AGBL2: variants seen among roughly 807,000 people sequenced by gnomAD.
AGBL2 encodes the protein cytosolic carboxypeptidase 2.
AGBL2 carries 87 observed loss-of-function variants against 103.0 expected under a neutral mutation model. The observed-to-expected ratio is 0.84, with a 90% CI of 0.71 to 1.01. AGBL2 has a LOEUF of 1.01. AGBL2 is among the 50% of genes least tolerant of loss of function. AGBL2 has a pLI of 0.00. For missense variants in AGBL2, 904 were observed against 1,023.5 expected, an observed-to-expected ratio of 0.88 and a Z score of 1.59; for synonymous variants, 335 against 356.7, an observed-to-expected ratio of 0.94 and a Z score of 0.69.
intron 3 of AGBL2, 36 bp downstream of exon 3, chr11:47,714,248 C>T (rs1266901279): frequency 6.4e-7 from 1 of 1,561,370 alleles, no homozygotes; most frequent in Non-Finnish European, 8.8e-7. Context: ...CTCTTGAGTC[C>T]AGGAAAGGTG....
chr11:47,704,756 C>T, intron 6 of AGBL2, 28 bp from the exon 7 acceptor site: 2 of 1,593,006 alleles, frequency 1.3e-6, no homozygotes, highest in Non-Finnish European at 1.7e-6. Flanking sequence ...AGTAAGTGAA[C>T]ATCTTCCTTT....
chr11:47,710,899 G>C, intron 3 of AGBL2: 1 of 386,166 alleles, frequency 2.6e-6, no homozygotes, highest in Non-Finnish European at 4.8e-6. Flanking sequence ...GACAGAGCGA[G>C]ATCCTGTCTC....
chr11:47,706,579 A>G (rs946573467), intron 4 of AGBL2, among the ~76,000 whole-genome samples: 1 of 152,026 alleles, frequency 6.6e-6, no homozygotes, highest in Middle Eastern at 3.2e-3. Context: ...CCTTATAAAG[A>G]ATGGGGTAAA....
intron 13 of AGBL2, 74 bp from the exon 14 acceptor site, chr11:47,677,475 C>T (rs141629854): frequency 1.4e-4 from 135 of 999,962 alleles, no homozygotes; most frequent in Admixed American, 4.4e-4. Flanking sequence ...ATTTTTGAGA[C>T]GGAGTTTGAC....
At chr11:47,678,466 T>C (rs2097386819) in intron 13 of AGBL2, among the ~76,000 whole-genome samples, 1 of 151,070 alleles carries the variant, frequency 6.6e-6, no homozygotes, top group African/African-American at 2.4e-5. Context: ...CCCGAGCAGC[T>C]GGGATTACAG....
At chr11:47,665,499 C>G (rs2097339136) in intron 17 of AGBL2, among the ~76,000 whole-genome samples, 1 of 152,054 alleles carries the variant, frequency 6.6e-6, no homozygotes, top group Admixed American at 6.6e-5. Context: ...CCTGGCCACC[C>G]AGGCTGGAGT....
intron 10 of AGBL2, 22 bp downstream of exon 10, chr11:47,690,054 A>G (rs780426776): frequency 2.5e-6 from 4 of 1,580,490 alleles, no homozygotes; most frequent in African/African-American, 2.7e-5. Flanking sequence ...TCACAGAAAG[A>G]TCAACAGATA....
At chr11:47,710,766 G>GTCTC in intron 3 of AGBL2, 1 of 549,876 alleles carries the variant, frequency 1.8e-6, no homozygotes, top group Non-Finnish European at 3.5e-6. Flanking sequence ...AGTGAGAAAG[G>GTCTC]ACTTGGCAGG....
intron 8 of AGBL2, among the ~76,000 whole-genome samples, chr11:47,693,998 T>G (rs929184063): frequency 4.6e-5 from 7 of 152,104 alleles, no homozygotes; most frequent in Non-Finnish European, 8.8e-5. Context: ...GAGACCAGCC[T>G]GGGCAACATG....
intron 12 of AGBL2, among the ~76,000 whole-genome samples, chr11:47,680,415 C>T (rs1598957800): frequency 1.3e-5 from 2 of 151,156 alleles, no homozygotes; most frequent in African/African-American, 4.9e-5. Flanking sequence ...GAGCTGAGAT[C>T]GTGCCACTGC....
Position 47,695,093 on chromosome 11 carries a change from T to C in AGBL2, c.695-2837A>G, listed in dbSNP as rs543589566. Among the ~76,000 whole-genome samples, 6 of 151,872 alleles carry C rather than the reference T, an allele frequency of 4.0e-5. No homozygotes were observed. The South Asian group carries it at 8.3e-4, about 21-fold the overall frequency. ...TGAACCCGGGAGGCAGAGGTTGCAG[T>C]GAGCCGAGATTGCGCCACTGCACTC... is the stretch of plus-strand genomic sequence containing the variant. On this transcript the variant is annotated intron_variant, in intron 8 of 18. Coordinates refer to ENST00000525123, the MANE Select transcript of AGBL2 (RefSeq NM_024783.4).
intron 3 of AGBL2, among the ~76,000 whole-genome samples, chr11:47,711,432 C>G (rs141543763): frequency 6.6e-6 from 1 of 152,324 alleles, no homozygotes; most frequent in South Asian, 2.1e-4. Flanking sequence ...CACCCCTCCC[C>G]GGAGCTCAGA....
At chr11:47,709,896 CT>C (rs1024582677) in intron 4 of AGBL2, among the ~76,000 whole-genome samples, 23 of 145,824 alleles carry the variant, frequency 1.6e-4, no homozygotes, top group Non-Finnish European at 1.7e-4. Flanking sequence ...GTGTATTACT[CT>C]TTTTTTTTTT....
At chr11:47,674,673 G>A (rs944057172) in intron 14 of AGBL2, among the ~76,000 whole-genome samples, 6 of 151,948 alleles carry the variant, frequency 3.9e-5, no homozygotes, top group African/African-American at 9.7e-5. Context: ...AAACTGAGTC[G>A]GGGAGATACT....
In AGBL2 at chr11:47,681,950, T is replaced by C; in HGVS notation, c.1915+19A>G. On this transcript the variant is annotated intron_variant, in intron 12 of 18. Transcript: ENST00000525123. ...TTTCCCTTCCTATGCTGGCCTATGA[T>C]ATACAAAAGAGAATGTACCCAGGGT... 2 of 1,609,842 alleles carry C rather than the reference T, an allele frequency of 1.2e-6. No individual in the cohort carries two copies. Among genetic ancestry groups the C allele is most frequent in the Non-Finnish European group, 1.7e-6 (2 of 1,178,758 alleles).
chr11:47,665,436 T>C (rs1240964139), intron 17 of AGBL2, among the ~76,000 whole-genome samples: 1 of 151,954 alleles, frequency 6.6e-6, no homozygotes, highest in Non-Finnish European at 1.5e-5. Flanking sequence ...ACTCAAGCAG[T>C]CCTCCTCTCT....
At chr11:47,677,613 TC>T in intron 13 of AGBL2, among the ~76,000 whole-genome samples, 1 of 151,332 alleles carries the variant, frequency 6.6e-6, no homozygotes, top group African/African-American at 2.4e-5. Flanking sequence ...CCCACCACAC[TC>T]AGCTAATTTT....
At chr11:47,661,420 C>CGCCGCTCTTCATTT (rs2097327626) in intron 18 of AGBL2, among the ~76,000 whole-genome samples, 1 of 152,134 alleles carries the variant, frequency 6.6e-6, no homozygotes, top group East Asian at 1.9e-4. Context: ...CCTATCTTTT[C>CGCCGCTCTTCATTT]GCCGCTCTTC....
intron 8 of AGBL2, among the ~76,000 whole-genome samples, chr11:47,698,704 A>G (rs1472614712): frequency 3.9e-5 from 6 of 152,160 alleles, no homozygotes; most frequent in Admixed American, 3.9e-4. Context: ...CATTCAAAAT[A>G]TTTTTGAAGT....
Sources: allele counts gnomAD v4.1 joint callset (sites outside exome capture counted in the v4.1 genomes callset), GRCh38; gene constraint gnomAD v4.1.1; transcripts MANE v1.5; gene names NCBI Gene and HGNC (gene_info 2026-07-23, HGNC 2026-07-21).